Variants in MARCHF1 observed in about 807,000 individuals in gnomAD.
The protein encoded by MARCHF1 is membrane associated ring-CH-type finger 1, also known as E3 ubiquitin-protein ligase MARCHF1.
A neutral mutation model predicts 54.2 loss-of-function variants in MARCHF1; 40 were observed. The observed-to-expected ratio is 0.74, with a 90% confidence interval of 0.57 to 0.96. The LOEUF is 0.96. Among genes scored for constraint, MARCHF1 ranks in the 40% least tolerant of loss-of-function variants. The probability of loss-of-function intolerance (pLI) is 0.00; values close to 1 mark genes in which losing one functional copy is unlikely to be tolerated. For missense variants in MARCHF1, 586 were observed against 656.5 expected (o/e 0.89, Z 1.17); for synonymous variants, 236 against 236.3 (o/e 1.00, Z 0.01).
intron 2 of MARCHF1, among the ~76,000 whole-genome samples, chr4:164,067,922 A>G (rs1008987958): frequency 1.2e-5 from 1 of 81,486 alleles, no homozygotes; most frequent in Non-Finnish European, 3.8e-5. Flanking sequence ...ATATGAACAG[A>G]CACTTCTCAA....
At chr4:163,746,380 G>A (rs1009607454) in intron 4 of MARCHF1, among the ~76,000 whole-genome samples, 3 of 152,074 alleles carry the variant, frequency 2.0e-5, no homozygotes, top group African/African-American at 7.3e-5. Flanking sequence ...ATTGTCTGTA[G>A]GTACCACAGC....
At chr4:163,890,380 C>T (rs10030272) in intron 3 of MARCHF1, among the ~76,000 whole-genome samples, 1 of 151,166 alleles carries the variant, frequency 6.6e-6, no homozygotes, top group African/African-American at 2.5e-5. Flanking sequence ...CTCTCTCTCT[C>T]TGTTTTTTCT....
At chr4:163,533,375 CAG>C (rs147290866) in intron 9 of MARCHF1, among the ~76,000 whole-genome samples, 196 of 151,966 alleles carry the variant, frequency 1.3e-3, no homozygotes, top group African/African-American at 4.4e-3. Flanking sequence ...AGGTGGAACA[CAG>C]GGACTTTTTA....
intron 3 of MARCHF1, among the ~76,000 whole-genome samples, chr4:163,920,631 G>T (rs1751409340): frequency 6.6e-6 from 1 of 152,134 alleles, no homozygotes; most frequent in South Asian, 2.1e-4. Flanking sequence ...TATGCTCTCA[G>T]TATGCTCTGG....
intron 4 of MARCHF1, among the ~76,000 whole-genome samples, chr4:163,775,757 C>A (rs1474902818): frequency 1.3e-5 from 2 of 151,722 alleles, no homozygotes; most frequent in Non-Finnish European, 2.9e-5. Flanking sequence ...AAACAGTGAG[C>A]AAATTGATCT....
At chr4:163,830,453 G>A (rs1194615189) in intron 4 of MARCHF1, among the ~76,000 whole-genome samples, 1 of 152,106 alleles carries the variant, frequency 6.6e-6, no homozygotes, top group East Asian at 1.9e-4. Context: ...AAATGTTGGG[G>A]CTCTCAGAGA....
At chr4:164,043,961 C>T (rs1754186293) in intron 2 of MARCHF1, among the ~76,000 whole-genome samples, 1 of 152,180 alleles carries the variant, frequency 6.6e-6, no homozygotes, top group Non-Finnish European at 1.5e-5. Flanking sequence ...GTCACCTTTA[C>T]TCCAGTTCCC....
chr4:163,571,757 G>A (rs1016383776), intron 8 of MARCHF1, among the ~76,000 whole-genome samples: 1 of 151,960 alleles, frequency 6.6e-6, no homozygotes, highest in Non-Finnish European at 1.5e-5. Flanking sequence ...GGGGTTTTTT[G>A]TTTGTTTGTT....
chr4:164,280,098 T>C lies in MARCHF1; in HGVS notation c.-323+103772A>G, dbSNP rs1015621957. ...ACTTTCAAATTCTTACCCTGTTTTA[T>C]AGAGGTTAAAAACCTCTACTGGTTA... is the stretch of plus-strand genomic sequence containing the variant. On this transcript the variant is annotated intron_variant, in intron 1 of 9. Transcript: ENST00000514618. Among the ~76,000 whole-genome samples the C allele has an allele frequency of 7.0e-4, 106 of 151,954 alleles. 3 individuals carry two copies. The highest frequency in any genetic ancestry group is 3.2e-4 in the Non-Finnish European group (22 of 67,830).
At chr4:163,986,487 G>A (rs1219869678) in intron 3 of MARCHF1, among the ~76,000 whole-genome samples, 1 of 151,344 alleles carries the variant, frequency 6.6e-6, no homozygotes, top group African/African-American at 2.4e-5. Context: ...GGATGGTCTC[G>A]ATCTCCTGAC....
At chr4:164,021,493 A>G (rs1186251101) in intron 2 of MARCHF1, among the ~76,000 whole-genome samples, 1 of 152,194 alleles carries the variant, frequency 6.6e-6, no homozygotes, top group Non-Finnish European at 1.5e-5. Context: ...TGAATTAAAA[A>G]AGTTAATTTC....
At chr4:163,668,724 G>A (rs1052647722) in intron 5 of MARCHF1, among the ~76,000 whole-genome samples, 1 of 152,250 alleles carries the variant, frequency 6.6e-6, no homozygotes, top group Admixed American at 6.5e-5. Flanking sequence ...AATATGGCTT[G>A]GGGTAGTATC....
At chr4:164,285,566 A>C (rs979342991) in intron 1 of MARCHF1, among the ~76,000 whole-genome samples, 1 of 151,758 alleles carries the variant, frequency 6.6e-6, no homozygotes, top group African/African-American at 2.4e-5. Flanking sequence ...CCTCAGCCTC[A>C]CGAGTAGCTA....
chr4:163,857,376 C>A (rs977809078), intron 3 of MARCHF1, among the ~76,000 whole-genome samples: 1 of 152,062 alleles, frequency 6.6e-6, no homozygotes, highest in Non-Finnish European at 1.5e-5. Context: ...CTGGAGTACT[C>A]ATCATATTTT....
At chr4:164,150,535 C>T (rs553802832) in intron 1 of MARCHF1, among the ~76,000 whole-genome samples, 1 of 152,094 alleles carries the variant, frequency 6.6e-6, no homozygotes, top group African/African-American at 2.4e-5. Flanking sequence ...TTGTTCTGAC[C>T]TTGCCCTACT....
At chr4:163,682,641 C>A (rs1490403546) in intron 5 of MARCHF1, among the ~76,000 whole-genome samples, 1 of 152,112 alleles carries the variant, frequency 6.6e-6, no homozygotes, top group Non-Finnish European at 1.5e-5. Context: ...TGGAAGGGAC[C>A]CAGTGGGAGG....
At chr4:164,040,257 G>A (rs1754097241) in intron 2 of MARCHF1, among the ~76,000 whole-genome samples, 1 of 143,254 alleles carries the variant, frequency 7.0e-6, no homozygotes, top group South Asian at 2.2e-4. Flanking sequence ...ATACGTATAT[G>A]TAATTACATA....
intron 1 of MARCHF1, among the ~76,000 whole-genome samples, chr4:164,138,403 A>G (rs1162651514): frequency 6.6e-6 from 1 of 152,140 alleles, no homozygotes; most frequent in Non-Finnish European, 1.5e-5. Context: ...GCCAAAGAAG[A>G]GTGAGATCCT....
At chr4:163,802,350 A>T (rs1309272597) in intron 4 of MARCHF1, among the ~76,000 whole-genome samples, 3 of 150,066 alleles carry the variant, frequency 2.0e-5, no homozygotes, top group African/African-American at 7.4e-5. Context: ...GCTAGGTACA[A>T]AGCAGACACT....
Sources: allele counts gnomAD v4.1 joint callset (sites outside exome capture counted in the v4.1 genomes callset), GRCh38; gene constraint gnomAD v4.1.1; transcripts MANE v1.5; gene names NCBI Gene and HGNC (gene_info 2026-07-23, HGNC 2026-07-21).